The following ZBTB40 variants were observed in gnomAD, a reference collection of about 807,000 sequenced individuals.
The protein encoded by ZBTB40 is zinc finger and BTB domain containing 40, also known as zinc finger and BTB domain-containing protein 40.
A neutral mutation model predicts 117.5 loss-of-function variants in ZBTB40; 60 were observed. The ratio of observed to expected loss-of-function variants is 0.51; its 90% CI spans 0.41 to 0.63. The LOEUF (loss-of-function observed/expected upper bound fraction) is 0.63. Ranked by LOEUF, ZBTB40 falls within the 30% of genes least tolerant of loss-of-function variation. The probability of loss-of-function intolerance (pLI) is 0.00; values close to 1 mark genes in which losing one functional copy is unlikely to be tolerated. For synonymous variants in ZBTB40, 525 were observed against 577.1 expected, an observed-to-expected ratio of 0.91 and a Z score of 1.29; for missense variants, 1,287 against 1,498.5, an observed-to-expected ratio of 0.86 and a Z score of 2.33.
intron 6 of ZBTB40, among the ~76,000 whole-genome samples, chr1:22,506,908 T>C (rs1371279463): frequency 1.3e-5 from 2 of 152,214 alleles, no homozygotes; most frequent in Non-Finnish European, 2.9e-5. Flanking sequence ...CTTGACATGT[T>C]TTATCTATCA....
In ZBTB40 at chr1:22,513,056, T is replaced by C. The variant is rs1423844915; in HGVS notation, c.2594T>C (p.Met865Thr). 13 of 1,614,202 alleles carry C rather than the reference T, an allele frequency of 8.1e-6. No individual in the cohort carries two copies. Among genetic ancestry groups the C allele is most frequent in the South Asian group, 2.2e-5 (2 of 91,084 alleles). Residue 865 changes from methionine to threonine, a missense_variant, in exon 12 of 18, where the codon ATG becomes ACG. By Grantham distance (81) the Met-to-Thr change is moderately conservative (BLOSUM62 -1). Transcript: ENST00000375647. The surrounding 1 kb of genome is among the most constrained non-coding windows in gnomAD (Gnocchi z 4.9). ...LRLHTGDRPF[M>T]CKHCLMTFTQ... ...CTTCACACCGGGGACCGCCCGTTCA[T>C]GTGCAAGCACTGCCTCATGACCTTC...
At chr1:22,431,286 T>TATATTTAATATATACA (rs1355186680) in intron 1 of ZBTB40, among the ~76,000 whole-genome samples, 1 of 146,318 alleles carries the variant, frequency 6.8e-6, no homozygotes, top group Non-Finnish European at 1.5e-5. Context: ...CAATATTGTA[T>TATATTTAATATATACA]ATATTGAATA....
chr1:22,501,639 C>G lies in ZBTB40; in HGVS notation c.979C>G (p.Leu327Val). ...QYSNPAVKTA[L>V]LDRKPEDVDT... The stretch of plus-strand genomic sequence containing the variant: ...TTCTAATCCTGCAGTAAAAACAGCA[C>G]TATTAGACAGGAAGCCAGAAGATGT... Residue 327 changes from leucine to valine, a missense_variant, in exon 4 of 18, where the codon CTA (leucine) becomes GTA (valine). This residue lies in a region of ZBTB40 where 870 missense variants were observed against 934.4 expected (regional missense o/e 0.93). Coordinates refer to ENST00000375647, the MANE Select transcript of ZBTB40 (RefSeq NM_014870.4). 2 of 1,614,064 alleles carry G rather than the reference C, an allele frequency of 1.2e-6. No individual in the cohort carries two copies. The highest frequency in any genetic ancestry group is 1.7e-6 in the Non-Finnish European group (2 of 1,180,002).
At position 22,508,473 on chromosome 1, in the gene ZBTB40, C is replaced by T; in HGVS notation, c.1498-57C>T. 23 of 1,595,238 alleles carry T rather than the reference C, an allele frequency of 1.4e-5. No individual in the cohort carries two copies. In the South Asian group the frequency reaches 2.0e-4, roughly 14 times the overall value. On this transcript the variant is annotated intron_variant, in intron 7 of 17. Transcript: ENST00000375647. ...CCCAATATCTAGACTTGCAGCTCTG[C>T]AGCTGGGCTAGTGGCTGGAGAGTCT...
At chr1:22,515,580 A>C (rs1639353936) in intron 12 of ZBTB40, among the ~76,000 whole-genome samples, 1 of 151,528 alleles carries the variant, frequency 6.6e-6, no homozygotes, top group African/African-American at 2.4e-5. Flanking sequence ...TGGCCACATC[A>C]CCCCAACCTC....
chr1:22,512,087 T>C lies in ZBTB40; in HGVS notation c.2414T>C (p.Leu805Pro), dbSNP rs1015354353. Residue 805 changes from leucine to proline, a missense_variant, in exon 11 of 18, where the codon CTT becomes CCT. Around this residue, in one of 2 missense-constraint regions of ZBTB40, gnomAD observed 417 missense variants for 564.1 expected, o/e 0.74. Coordinates refer to ENST00000375647, the MANE Select transcript of ZBTB40 (RefSeq NM_014870.4). Reference sequence around the variant, plus strand: ...GCCCCCAAGAAGAAGAAGAAGAGGCTTCCAGTGACATGTGACCTCTGTGGC... The same window carrying C: ...GCCCCCAAGAAGAAGAAGAAGAGGCCTCCAGTGACATGTGACCTCTGTGGC... ...PDAPKKKKKR[L>P]PVTCDLCGRE... is the part of the protein sequence containing the mutation. 2.5e-6 allele frequency: 4 copies of C among 1,613,750 alleles called. No homozygotes were observed. In the Admixed American group the frequency reaches 5.0e-5, roughly 20 times the overall value.
chr1:22,435,436 C>G (rs1640657252), intron 1 of ZBTB40, among the ~76,000 whole-genome samples: 1 of 152,264 alleles, frequency 6.6e-6, no homozygotes, highest in South Asian at 2.1e-4. Context: ...TCCACCTTAT[C>G]TTAGCACATT....
intron 13 of ZBTB40, among the ~76,000 whole-genome samples, chr1:22,518,985 A>G (rs1427197180): frequency 6.6e-6 from 1 of 152,202 alleles, no homozygotes; most frequent in East Asian, 1.9e-4. Context: ...CAGGCCTAGC[A>G]TCCAGGCCCC....
intron 1 of ZBTB40, among the ~76,000 whole-genome samples, chr1:22,487,980 T>C (rs1333142282): frequency 6.6e-6 from 1 of 152,184 alleles, no homozygotes; most frequent in Non-Finnish European, 1.5e-5. Flanking sequence ...CACGGGATGT[T>C]TTCTTATCTG....
chr1:22,511,563 T>A (rs1420987441), intron 10 of ZBTB40, 113 bp from the exon 11 acceptor site: 3 of 1,305,520 alleles, frequency 2.3e-6, no homozygotes, highest in Non-Finnish European at 3.2e-6. Context: ...CTTCAGAGTG[T>A]TTTTGAGGAT....
chr1:22,488,586 C>G (rs1291206247), intron 1 of ZBTB40, among the ~76,000 whole-genome samples: 2 of 152,108 alleles, frequency 1.3e-5, no homozygotes, highest in Non-Finnish European at 1.5e-5. Context: ...GCAGAGTTCT[C>G]AGAGCAGAAT....
intron 1 of ZBTB40, among the ~76,000 whole-genome samples, chr1:22,438,859 T>TTTTA (rs948023390): frequency 1.5e-4 from 23 of 152,208 alleles, no homozygotes; most frequent in African/African-American, 4.6e-4. Context: ...TTTTATTTCA[T>TTTTA]TTTATTTATT....
In ZBTB40 at chr1:22,433,442, A is replaced by AACAAAAAC. The variant is rs1557469777; in HGVS notation, c.-70+4429_-70+4430insCAAAAACA. On this transcript the variant is annotated intron_variant, in intron 1 of 8. Coordinates refer to the ZBTB40 transcript ENST00000650433. ...AGCAAGACGCCCTCTCAAAAAAAAA[A>AACAAAAAC]AAAAAAAAAAAAAAAGACAGCTAAA... 3.9e-4 allele frequency among the ~76,000 whole-genome samples: 55 copies of AACAAAAAC among 139,898 alleles called. 3 individuals carry two copies. The highest frequency in any genetic ancestry group is 5.2e-4 in the Non-Finnish European group (33 of 63,528). The allele number at this position is 139,898 out of a possible 152,430, so 91.8% of individuals were successfully genotyped here.
chr1:22,437,967 C>T (rs1437059878), intron 1 of ZBTB40, among the ~76,000 whole-genome samples: 1 of 151,650 alleles, frequency 6.6e-6, no homozygotes, highest in Admixed American at 6.6e-5. Flanking sequence ...CCTGTCTCTA[C>T]TAAAAATACA....
At chr1:22,449,326 G>A (rs1215599010), upstream of ZBTB40, among the ~76,000 whole-genome samples, 2 of 152,172 alleles carry the variant, frequency 1.3e-5, no homozygotes, top group African/African-American at 4.8e-5. Flanking sequence ...GGTCCTTCTG[G>A]TGATCGGGAA....
intron 1 of ZBTB40, among the ~76,000 whole-genome samples, chr1:22,443,588 G>T (rs549555969): frequency 6.6e-6 from 1 of 152,296 alleles, no homozygotes; most frequent in East Asian, 1.9e-4. Context: ...GAGAATAGAT[G>T]GTAAATGTCT....
intron 3 of ZBTB40, among the ~76,000 whole-genome samples, chr1:22,497,443 C>T (rs970424501): frequency 2.6e-5 from 4 of 152,116 alleles, no homozygotes; most frequent in Non-Finnish European, 4.4e-5. Context: ...TAATGAGATT[C>T]GTTTTACAGG....
chr1:22,525,000 G>A (rs761233554), intron 17 of ZBTB40, among the ~76,000 whole-genome samples: 1 of 152,142 alleles, frequency 6.6e-6, no homozygotes, highest in Non-Finnish European at 1.5e-5. Context: ...ATAAATTCAG[G>A]TCCATCCATC....
At position 22,522,401 on chromosome 1, in the gene ZBTB40, A is replaced by G. The variant is rs1399783619; in HGVS notation, c.3236A>G (p.Gln1079Arg). The part of the protein sequence containing the change: ...HADMKFHECD[Q>R]CKELFPTPAL... Reference sequence around the variant, plus strand: ...GATATGAAGTTCCATGAATGTGACCAGTGTAAGGAGCTCTTCCCCACGCCA... The same window carrying G: ...GATATGAAGTTCCATGAATGTGACCGGTGTAAGGAGCTCTTCCCCACGCCA... The change falls in exon 16 of 18, where the codon CAG becomes CGG. Residue 1079 changes from glutamine to arginine, a missense_variant. This residue lies in a region of ZBTB40 where 417 missense variants were observed against 564.1 expected (regional missense o/e 0.74). Coordinates refer to ENST00000375647, the MANE Select transcript of ZBTB40 (RefSeq NM_014870.4). 1 of 1,614,048 alleles carries G rather than the reference A, an allele frequency of 6.2e-7. No homozygotes were observed. The highest frequency in any genetic ancestry group is 1.7e-5 in the Admixed American group (1 of 60,008).
Sources: allele counts gnomAD v4.1 joint callset (sites outside exome capture counted in the v4.1 genomes callset), GRCh38; gene constraint gnomAD v4.1.1; regional missense constraint gnomAD v4.1.1; non-coding constraint Gnocchi (gnomAD v3.1); transcripts MANE v1.5; gene names NCBI Gene and HGNC (gene_info 2026-07-23, HGNC 2026-07-21).